NHLRC2: variants seen among roughly 807,000 people sequenced by gnomAD.
NHLRC2 encodes the protein NHL repeat containing 2, also known as NHL repeat-containing protein 2.
Under a neutral mutation model 68.1 loss-of-function variants are expected in NHLRC2, and 33 were observed. That is an observed-to-expected ratio of 0.48 (90% CI 0.37 to 0.65). The LOEUF is 0.65. NHLRC2 is among the 30% of genes least tolerant of loss of function. The pLI, the probability that NHLRC2 is intolerant of heterozygous loss-of-function variation, is 0.00. For missense variants in NHLRC2, 761 were observed against 853.8 expected (o/e 0.89, Z 1.35); for synonymous variants, 311 against 309.6 (o/e 1.00, Z -0.05).
intron 5 of NHLRC2, among the ~76,000 whole-genome samples, chr10:113,886,291 T>C (rs1446513705): frequency 1.3e-5 from 2 of 152,162 alleles, no homozygotes; most frequent in Non-Finnish European, 1.5e-5. Flanking sequence ...AGAATTAATA[T>C]TGTTAAAATG....
intron 9 of NHLRC2, 74 bp downstream of exon 9, chr10:113,903,810 A>T (rs1846249145): frequency 3.3e-6 from 3 of 899,936 alleles, no homozygotes; most frequent in Non-Finnish European, 5.5e-6. Flanking sequence ...GCACTGACAG[A>T]GGCATTTTTG....
chr10:113,909,278 A>T lies in NHLRC2; in HGVS notation c.*742A>T, dbSNP rs118014301. The T allele has an allele frequency of 6.6e-6, 1 of 152,292 alleles. No individual in the cohort carries two copies. The highest frequency in any genetic ancestry group is 1.9e-4 in the East Asian group (1 of 5,178). 9.4% of individuals were successfully genotyped at this position (152,292 alleles called of 1,614,324 possible). ...GAGTGACTACATTACCAGATAATGA[A>T]TGAGTCCCCAGAAATATTATGACTT... On this transcript the variant is annotated 3_prime_UTR_variant, in exon 11 of 11. Transcript: ENST00000369301.
Position 113,854,783 on chromosome 10 carries a change from G to A in NHLRC2, c.-90G>A. The A allele has an allele frequency of 1.7e-6, 2 of 1,157,036 alleles. No homozygotes were observed. The highest frequency in any genetic ancestry group is 2.4e-6 in the Non-Finnish European group (2 of 835,906). The allele number at this position is 1,157,036 out of a possible 1,614,324, so 71.7% of individuals were successfully genotyped here. On this transcript the variant is annotated 5_prime_UTR_variant, in exon 1 of 11. Transcript: ENST00000369301. ...TAGTGGAGGGTGAGGTGAATGCGCC[G>A]TTTGGAAACCACAGGACAGTGAACG... is the stretch of plus-strand genomic sequence containing the variant.
chr10:113,912,451 G>A lies in NHLRC2; in HGVS notation c.*3915G>A, dbSNP rs531686864. 3.3e-5 allele frequency: 5 copies of A among 152,264 alleles called. No homozygotes were observed. Among genetic ancestry groups the A allele is most frequent in the African/African-American group, 1.2e-4 (5 of 41,550 alleles). 9.4% of individuals were successfully genotyped at this position (152,264 alleles called of 1,614,324 possible). A position where few individuals can be genotyped will look rare whatever the true frequency, so the allele number is the denominator to read the frequency against. On this transcript the variant is annotated 3_prime_UTR_variant, in exon 11 of 11. Transcript: ENST00000369301. Reference sequence around the variant, plus strand: ...TAACTATTTTATAAACAACATTGTAGTTATAAAGAAGCATGCCTATAGTGT... The same window carrying A: ...TAACTATTTTATAAACAACATTGTAATTATAAAGAAGCATGCCTATAGTGT...
chr10:113,876,685 G>C lies in NHLRC2; in HGVS notation c.496G>C (p.Val166Leu), dbSNP rs761465135. 2 of 1,613,968 alleles carry C rather than the reference G, an allele frequency of 1.2e-6. No homozygotes were observed. The highest frequency in any genetic ancestry group is 2.2e-5 in the South Asian group (2 of 91,078). ...AGAAGTTTCCTGCTGGCCAACTCTA[G>C]TCATACTTGGACCTCGTGGAAACAT... ...ELEVSCWPTLVILGPRGNMLF... is the reference protein window; with the variant it reads ...ELEVSCWPTLLILGPRGNMLF... The change falls in exon 3 of 11, where the codon GTC becomes CTC. Residue 166 changes from valine to leucine, a missense_variant. Transcript: ENST00000369301.
intron 3 of NHLRC2, among the ~76,000 whole-genome samples, chr10:113,877,414 A>T (rs1845994479): frequency 6.6e-6 from 1 of 152,148 alleles, no homozygotes; most frequent in Admixed American, 6.5e-5. Context: ...GTAGTTTATA[A>T]AATAAATAAG....
intron 1 of NHLRC2, among the ~76,000 whole-genome samples, chr10:113,856,174 C>A (rs1050112589): frequency 6.6e-6 from 1 of 152,160 alleles, no homozygotes; most frequent in African/African-American, 2.4e-5. Context: ...GCATATCTTG[C>A]CATGATAAAT....
At chr10:113,889,277 T>G (rs1846111081) in intron 5 of NHLRC2, among the ~76,000 whole-genome samples, 1 of 152,176 alleles carries the variant, frequency 6.6e-6, no homozygotes, top group Non-Finnish European at 1.5e-5. Context: ...TCTACAACCT[T>G]TAATGGTTGA....
chr10:113,877,166 TAAAAC>T (rs1845991576), intron 3 of NHLRC2, among the ~76,000 whole-genome samples, 190 bp downstream of exon 3: 1 of 151,802 alleles, frequency 6.6e-6, no homozygotes, highest in Non-Finnish European at 1.5e-5. Flanking sequence ...CACTCCCTCA[TAAAAC>T]AAACAAAAAC....
chr10:113,913,599 A>G lies in NHLRC2; in HGVS notation c.*5063A>G, dbSNP rs916849342. 2 of 152,186 alleles carry G rather than the reference A, an allele frequency of 1.3e-5. No individual in the cohort carries two copies. Among genetic ancestry groups the G allele is most frequent in the Non-Finnish European group, 2.9e-5 (2 of 68,038 alleles). The allele number at this position is 152,186 out of a possible 1,614,324, so 9.4% of individuals were successfully genotyped here. On this transcript the variant is annotated 3_prime_UTR_variant, in exon 11 of 11. Transcript: ENST00000369301. ...AAACGTAATTAAGACCTTATCATAAAGAGCCTTTTGCACAGGACTATCTCA... is the reference window on the plus strand; with the variant it reads ...AAACGTAATTAAGACCTTATCATAAGGAGCCTTTTGCACAGGACTATCTCA...
chr10:113,879,132 C>T (rs1004889384), intron 3 of NHLRC2, among the ~76,000 whole-genome samples: 2 of 152,098 alleles, frequency 1.3e-5, no homozygotes, highest in Non-Finnish European at 2.9e-5. Flanking sequence ...CCTTGGACTC[C>T]TGAGAGTCTT....
rs1846295556 is a variant in NHLRC2 at position 113,908,546 on chromosome 10, T to C, written c.*10T>C. 1.2e-6 allele frequency: 2 copies of C among 1,613,496 alleles called. No individual in the cohort carries two copies. Among genetic ancestry groups the C allele is most frequent in the African/African-American group, 2.7e-5 (2 of 74,942 alleles). On this transcript the variant is annotated 3_prime_UTR_variant, in exon 11 of 11. Transcript: ENST00000369301. ...CAGGTATGTATTTTAGCCAGCCAGC[T>C]AGCTAGCAACCCATTGCCACCACCT...
At chr10:113,876,206 T>G (rs1171029468) in intron 2 of NHLRC2, among the ~76,000 whole-genome samples, 2 of 151,698 alleles carry the variant, frequency 1.3e-5, no homozygotes, top group African/African-American at 4.8e-5. Flanking sequence ...TGGAAAAAAT[T>G]TCAACATTTA....
At position 113,903,648 on chromosome 10, in the gene NHLRC2, T is replaced by C. The variant is rs373305130; in HGVS notation, c.1616T>C (p.Ile539Thr). The C allele has an allele frequency of 3.7e-6, 6 of 1,605,378 alleles. No homozygotes were observed. The African/African-American group carries it at 8.0e-5, about 21-fold the overall frequency. The part of the protein sequence containing the change: ...STFNEPGGLC[I>T]GENGELLYVA... ...TTTAATGAACCAGGAGGCTTGTGTA[T>C]TGGAGAGAATGGAGAATTATTATAT... The change falls in exon 9 of 11, where the codon ATT (isoleucine) becomes ACT (threonine). Residue 539 changes from isoleucine to threonine, a missense_variant. Transcript: ENST00000369301.
chr10:113,893,769 G>A (rs1224253107), intron 5 of NHLRC2, among the ~76,000 whole-genome samples: 3 of 152,152 alleles, frequency 2.0e-5, no homozygotes, highest in South Asian at 4.1e-4. Context: ...TGGAGAACTA[G>A]ATAACAAAGT....
chr10:113,887,035 A>G (rs555127045), intron 5 of NHLRC2, among the ~76,000 whole-genome samples: 2 of 152,312 alleles, frequency 1.3e-5, no homozygotes, highest in East Asian at 3.9e-4. Context: ...AAAACAACCT[A>G]ACTAAAATAT....
At chr10:113,885,404 C>T (rs541804931) in intron 5 of NHLRC2, among the ~76,000 whole-genome samples, 20 of 152,036 alleles carry the variant, frequency 1.3e-4, no homozygotes, top group African/African-American at 4.8e-4. Flanking sequence ...AGGAGCAGTG[C>T]ATCCAACTAA....
chr10:113,901,534 A>G (rs2134736194), intron 6 of NHLRC2, 132 bp from the exon 7 acceptor site: 1 of 648,078 alleles, frequency 1.5e-6, no homozygotes, highest in East Asian at 2.6e-5. Context: ...ATTTAACTAG[A>G]CCAAGATCAC....
At chr10:113,882,405 T>C (rs977064238) in intron 4 of NHLRC2, among the ~76,000 whole-genome samples, 1 of 151,852 alleles carries the variant, frequency 6.6e-6, no homozygotes, top group African/African-American at 2.4e-5. Context: ...CTACTGGATA[T>C]GAAGTGGCAT....
Sources: gnomAD v4.1 joint callset for allele counts (sites outside exome capture counted in the v4.1 genomes callset) on GRCh38, gnomAD v4.1.1 for gene constraint, MANE v1.5 for transcripts, NCBI Gene and HGNC (gene_info 2026-07-23, HGNC 2026-07-21) for gene names.